The following RNF213 variants were observed in gnomAD, a reference collection of about 807,000 sequenced individuals.
The protein encoded by RNF213 is ring finger protein 213.
A neutral mutation model predicts 514.4 loss-of-function variants in RNF213; 341 were observed. The ratio of observed to expected loss-of-function variants is 0.66; its 90% confidence interval spans 0.61 to 0.73. The LOEUF (loss-of-function observed/expected upper bound fraction) is 0.73, where lower values mean the gene tolerates loss of function less well. Among genes scored for constraint, RNF213 ranks in the 30% least tolerant of loss-of-function variants. The pLI is 0.00. For synonymous variants in RNF213, 2,655 were observed against 2,658.2 expected (o/e 1.00, Z 0.04); for missense variants, 5,767 against 6,615.6 (o/e 0.87, Z 4.45).
chr17:80,318,740 T>C (rs1307875131), intron 16 of RNF213, among the ~76,000 whole-genome samples: 1 of 151,852 alleles, frequency 6.6e-6, no homozygotes, highest in Non-Finnish European at 1.5e-5. Flanking sequence ...CGCCCAGCTA[T>C]ATTTTTGTAT....
Position 80,368,125 on chromosome 17 carries a change from C to T in RNF213, c.12137C>T (p.Ala4046Val). The T allele has an allele frequency of 6.2e-7, 1 of 1,614,266 alleles. No individual in the cohort carries two copies. Residue 4046 changes from alanine (A) to valine (V), a missense_variant, in exon 44 of 68, where the codon GCT (alanine) becomes GTT (valine). Transcript: ENST00000582970. ...LTALPDEFSP[A>V]VSQAHREAIE... ...GCCTTGCCAGACGAATTCTCTCCAG[C>T]TGTTTCCCAAGCGCACAGGTACAAC...
chr17:80,295,718 C>T lies in RNF213; in HGVS notation c.1917C>T (p.Gly639=). 2 of 1,614,188 alleles carry T rather than the reference C, an allele frequency of 1.2e-6. No individual in the cohort carries two copies. Among genetic ancestry groups the T allele is most frequent in the Non-Finnish European group, 1.7e-6 (2 of 1,180,040 alleles). The part of the protein sequence containing the change: ...VVEKIELLLE[G]SLDWLCHLLT... ...AAAAAATTGAGCTTTTATTAGAAGGCAGCCTGGACTGGTTGTGTCACCTCC... is the reference window on the plus strand; with the variant it reads ...AAAAAATTGAGCTTTTATTAGAAGGTAGCCTGGACTGGTTGTGTCACCTCC... Residue 639 remains glycine (G), a synonymous_variant, in exon 10 of 68, where the codon GGC becomes GGT. Transcript: ENST00000582970.
At position 80,373,100 on chromosome 17, in the gene RNF213, C is replaced by T; in HGVS notation, c.12877C>T (p.Gln4293Ter). The T allele has an allele frequency of 6.2e-7, 1 of 1,613,774 alleles. No homozygotes were observed. Among genetic ancestry groups the T allele is most frequent in the Non-Finnish European group, 8.5e-7 (1 of 1,180,004 alleles). Residue 4293 changes from glutamine (Q) to a stop codon, truncating the protein, a stop_gained, in exon 49 of 68, where the codon CAG (glutamine) becomes TAG (stop). Coordinates refer to ENST00000582970, the MANE Select transcript of RNF213 (RefSeq NM_001256071.3). LOFTEE classifies it high-confidence loss of function. ...LSSQRGMEFV[Q>*]GLSKPGRPHQ... is the part of the protein sequence containing the mutation. ...CAGCCAGCGGGGGATGGAGTTCGTG[C>T]AGGGCCTCTCCAAGCCCGGCCGCCC... is the stretch of plus-strand genomic sequence containing the variant.
In RNF213 at chr17:80,273,095, C is replaced by G. The variant is rs2043880193; in HGVS notation, c.98-146C>G. On this transcript the variant is annotated intron_variant, in intron 2 of 67. Transcript: ENST00000582970. ...TACCCACCTGGAGCAGAACCCCTAC[C>G]CTGCTCATGTTAGCAGGCCCAATGC... is the stretch of plus-strand genomic sequence containing the variant. The G allele has an allele frequency of 3.8e-6, 4 of 1,061,546 alleles. No individual in the cohort carries two copies. The Admixed American group carries it at 5.4e-5, about 14-fold the overall frequency. The allele number at this position is 1,061,546 out of a possible 1,614,324, so 65.8% of individuals were successfully genotyped here.
chr17:80,323,978 C>CGTGT (rs143806303), intron 17 of RNF213, among the ~76,000 whole-genome samples: 7 of 149,584 alleles, frequency 4.7e-5, no homozygotes, highest in Non-Finnish European at 1.5e-5. Flanking sequence ...ATTGTGTGTG[C>CGTGT]GTGTGTGTGT....
At chr17:80,370,665 A>AC (rs750106383) in intron 46 of RNF213, among the ~76,000 whole-genome samples, 5 of 152,176 alleles carry the variant, frequency 3.3e-5, no homozygotes, top group Non-Finnish European at 5.9e-5. Flanking sequence ...AGCACACACA[A>AC]AACACTCCCA....
intron 8 of RNF213, among the ~76,000 whole-genome samples, chr17:80,292,899 G>T (rs936111196): frequency 3.3e-5 from 5 of 152,010 alleles, no homozygotes; most frequent in African/African-American, 1.2e-4. Context: ...CCTGGTGTCC[G>T]GTGTCTTGGA....
intron 40 of RNF213, 53 bp downstream of exon 40, chr17:80,363,367 A>G: frequency 6.4e-7 from 1 of 1,554,662 alleles, no homozygotes; most frequent in Non-Finnish European, 8.8e-7. Flanking sequence ...TTCCAACTCC[A>G]CTCTGGGAAT....
In RNF213 at chr17:80,346,902, C is replaced by T; in HGVS notation, c.8567C>T (p.Pro2856Leu). Residue 2856 changes from proline (P) to leucine (L), a missense_variant, in exon 29 of 68, where the codon CCC becomes CTC. Pro to Leu is a moderately conservative substitution (Grantham distance 98). Coordinates refer to ENST00000582970, the MANE Select transcript of RNF213 (RefSeq NM_001256071.3). The surrounding 1 kb of genome is among the most constrained non-coding windows in gnomAD (Gnocchi z 8.1). ...CTGGCGGAAGACTCACCCAAAATGC[C>T]CCTGAAGACTCTGCACCCGCTGCTG... is the stretch of plus-strand genomic sequence containing the variant. The part of the protein sequence containing the change: ...VGLAEDSPKM[P>L]LKTLHPLLED... 6.2e-7 allele frequency: 1 copy of T among 1,614,070 alleles called. No homozygotes were observed. The highest frequency in any genetic ancestry group is 1.1e-5 in the South Asian group (1 of 91,084).
rs1453571990 is a variant in RNF213, at chr17:80,291,614, C to G, written c.1272-14C>G. 1 of 1,614,014 alleles carries G rather than the reference C, an allele frequency of 6.2e-7. No individual in the cohort carries two copies. The highest frequency in any genetic ancestry group is 8.5e-7 in the Non-Finnish European group (1 of 1,179,868). On this transcript the variant is annotated splice_polypyrimidine_tract_variant and intron_variant, in intron 7 of 67. Transcript: ENST00000582970. ...GGAATTTTGGATAGCCAACCGTATCCTGTTCATTCACAGAGACTTGGGTCA... is the reference window on the plus strand; with the variant it reads ...GGAATTTTGGATAGCCAACCGTATCGTGTTCATTCACAGAGACTTGGGTCA...
chr17:80,364,602 G>T, intron 42 of RNF213, 49 bp downstream of exon 42: 1 of 1,612,588 alleles, frequency 6.2e-7, no homozygotes, highest in Non-Finnish European at 8.5e-7. Context: ...ACCCTTTTCC[G>T]AAAGGAAGAA....
rs1471610548 is a variant in RNF213 at position 80,317,128 on chromosome 17, G to A, written c.2812-60G>A. The A allele has an allele frequency of 6.5e-6, 10 of 1,538,686 alleles. No homozygotes were observed. Among genetic ancestry groups the A allele is most frequent in the Non-Finnish European group, 8.9e-6 (10 of 1,122,540 alleles). ...TAATGCTCTGTCTTTCTCCTTTCAT[G>A]GGAGTGTGCCGTGGCATTTAGTCGT... On this transcript the variant is annotated intron_variant, in intron 15 of 67. Coordinates refer to ENST00000582970, the MANE Select transcript of RNF213 (RefSeq NM_001256071.3). The surrounding 1 kb of genome is among the most constrained non-coding windows in gnomAD (Gnocchi z 4.1).
chr17:80,271,159 T>A (rs546144271), intron 2 of RNF213, among the ~76,000 whole-genome samples: 2,884 of 152,044 alleles, frequency 0.019, 56 homozygotes, highest in East Asian at 0.11. Flanking sequence ...GAATCCCTGG[T>A]TGTAGGTGAA....
chr17:80,291,700 T>C lies in RNF213; in HGVS notation c.1344T>C (p.Ile448=). The C allele has an allele frequency of 6.2e-7, 1 of 1,614,190 alleles. No homozygotes were observed. The highest frequency in any genetic ancestry group is 8.5e-7 in the Non-Finnish European group (1 of 1,180,038). Residue 448 remains isoleucine, a synonymous_variant, in exon 8 of 68, where the codon ATT becomes ATC. Coordinates refer to ENST00000582970, the MANE Select transcript of RNF213 (RefSeq NM_001256071.3). ...CCAAGAAGCACCTAGATAAATACATTCCTTACAAGTACGTCATTTATAATG... is the reference window on the plus strand; with the variant it reads ...CCAAGAAGCACCTAGATAAATACATCCCTTACAAGTACGTCATTTATAATG... ...CISKKHLDKY[I]PYKYVIYNGE...
At chr17:80,301,053 T>C (rs1019704022) in intron 11 of RNF213, among the ~76,000 whole-genome samples, 2 of 152,226 alleles carry the variant, frequency 1.3e-5, no homozygotes, top group African/African-American at 4.8e-5. Flanking sequence ...CTTTGTCAGA[T>C]GCATATTTTG....
At chr17:80,306,534 A>G (rs1045642244) in intron 12 of RNF213, 66 bp downstream of exon 12, 7 of 1,469,118 alleles carry the variant, frequency 4.8e-6, no homozygotes, top group Non-Finnish European at 6.6e-6. Flanking sequence ...CTAAACATGG[A>G]AAGCTCAGGA....
rs945316184 is a variant in RNF213, at chr17:80,338,142, T to C, written c.4833+145T>C. ...GCTCTTAGGCCCATGGAGAGTAGAG[T>C]TGGCACATTTGTAGGGTGCATGGAA... On this transcript the variant is annotated intron_variant, in intron 25 of 67. Transcript: ENST00000582970. 23 of 1,063,382 alleles carry C rather than the reference T, an allele frequency of 2.2e-5. No homozygotes were observed. The East Asian group carries it at 3.9e-4, about 18-fold the overall frequency. The allele number at this position is 1,063,382 out of a possible 1,614,324, so 65.9% of individuals were successfully genotyped here. A position where few individuals can be genotyped will look rare whatever the true frequency, so the allele number is the denominator to read the frequency against.
In RNF213 at chr17:80,291,770, A is replaced by C. The variant is rs1386002709; in HGVS notation, c.1414A>C (p.Lys472Gln). The stretch of plus-strand genomic sequence containing the variant: ...GTTCATTTACAAGCACCAGCAGAAG[A>C]AGGGCGAGTACGTCAACCGCTGTCT... ...YEFIYKHQQK[K>Q]GEYVNRCLFI... Residue 472 changes from lysine to glutamine, a missense_variant, in exon 8 of 68, where the codon AAG becomes CAG. Coordinates refer to ENST00000582970, the MANE Select transcript of RNF213 (RefSeq NM_001256071.3). The C allele has an allele frequency of 6.2e-7, 1 of 1,614,100 alleles. No homozygotes were observed. Among genetic ancestry groups the C allele is most frequent in the Non-Finnish European group, 8.5e-7 (1 of 1,180,058 alleles).
At chr17:80,374,639 G>C (rs563328364) in intron 50 of RNF213, 50 bp downstream of exon 50, 1 of 1,605,310 alleles carries the variant, frequency 6.2e-7, no homozygotes. Context: ...ATCCCTTGGA[G>C]CCTGCATGTT....
Sources: allele counts gnomAD v4.1 joint callset (sites outside exome capture counted in the v4.1 genomes callset), GRCh38; gene constraint gnomAD v4.1.1; non-coding constraint Gnocchi (gnomAD v3.1); transcripts MANE v1.5; gene names NCBI Gene and HGNC (gene_info 2026-07-23, HGNC 2026-07-21).